The following MUC13 variants were observed in gnomAD, a reference collection of about 807,000 sequenced individuals.
MUC13 encodes the protein mucin-13.
MUC13 carries 32 observed loss-of-function variants against 48.3 expected under a neutral mutation model. The observed-to-expected ratio is 0.66, with a 90% CI of 0.50 to 0.89. The LOEUF is 0.89. MUC13 is among the 40% of genes least tolerant of loss of function. The pLI is 0.00. For synonymous variants in MUC13, 199 were observed against 224.9 expected (o/e 0.88, Z 1.03); for missense variants, 571 against 622.8 (o/e 0.92, Z 0.88).
chr3:124,919,297 A>C (rs1156906571), intron 5 of MUC13, among the ~76,000 whole-genome samples: 2 of 150,164 alleles, frequency 1.3e-5, no homozygotes, highest in African/African-American at 4.9e-5. Context: ...ATATCACACC[A>C]ATGCACTCCA....
chr3:124,908,341 T>C lies in MUC13; in HGVS notation c.1345A>G (p.Asn449Asp). The C allele has an allele frequency of 6.2e-7, 1 of 1,613,994 alleles. No homozygotes were observed. The highest frequency in any genetic ancestry group is 8.5e-7 in the Non-Finnish European group (1 of 1,179,860). The change falls in exon 11 of 12, where the codon AAC (asparagine) becomes GAC (aspartate). Residue 449 changes from asparagine (N) to aspartate (D), a missense_variant. Coordinates refer to ENST00000616727, the MANE Select transcript of MUC13 (RefSeq NM_033049.4). Reference protein sequence around the residue: ...IALIVTARSNNKTKHIEEENL... With the variant: ...IALIVTARSNDKTKHIEEENL... ...TCTTCTTCAATATGCTTCGTTTTGT[T>C]ATTTGATCTGTAATCAGTAAGAGGA...
chr3:124,911,969 C>A, intron 9 of MUC13, 135 bp downstream of exon 9: 1 of 1,238,458 alleles, frequency 8.1e-7, no homozygotes, highest in South Asian at 1.6e-5. Flanking sequence ...AGAAGGCAAA[C>A]TGGAGGCAGA....
At chr3:124,931,377 G>T (rs1935793158) in intron 1 of MUC13, among the ~76,000 whole-genome samples, 1 of 148,520 alleles carries the variant, frequency 6.7e-6, no homozygotes, top group African/African-American at 2.5e-5. Flanking sequence ...GTTGCAGCGA[G>T]CCAAGATCGT....
At chr3:124,907,294 A>G (rs923661900) in intron 11 of MUC13, among the ~76,000 whole-genome samples, 11 of 152,178 alleles carry the variant, frequency 7.2e-5, no homozygotes, top group Non-Finnish European at 1.6e-4. Flanking sequence ...GGATGAGCCA[A>G]CAAGCTAAGT....
At chr3:124,906,931 C>A (rs1178357283) in intron 11 of MUC13, among the ~76,000 whole-genome samples, 189 bp from the exon 12 acceptor site, 2 of 152,276 alleles carry the variant, frequency 1.3e-5, no homozygotes, top group Admixed American at 6.5e-5. Context: ...TTCCCAGCTC[C>A]CTTTCTCCTC....
rs1403753456 is a variant in MUC13, at chr3:124,913,214, A to G, written c.1111T>C (p.Cys371Arg). The G allele has an allele frequency of 3.1e-6, 5 of 1,613,732 alleles. No individual in the cohort carries two copies. The highest frequency in any genetic ancestry group is 4.2e-6 in the Non-Finnish European group (5 of 1,179,694). ...VASSLKCPDA[C>R]NAQHKQCLIK... ...AAGCATTGCTTGTGCTGTGCGTTGCAGGCATCAGGACACTTGAGACTGGAA... is the reference window on the plus strand; with the variant it reads ...AAGCATTGCTTGTGCTGTGCGTTGCGGGCATCAGGACACTTGAGACTGGAA... The change falls in exon 8 of 12, where the codon TGC becomes CGC. Residue 371 changes from cysteine (C) to arginine (R), a missense_variant. By Grantham distance (180) the Cys-to-Arg change is radical. Transcript: ENST00000616727.
intron 3 of MUC13, among the ~76,000 whole-genome samples, chr3:124,922,553 T>G (rs183804783): frequency 2.6e-5 from 4 of 151,798 alleles, no homozygotes; most frequent in East Asian, 3.9e-4. Context: ...TTTTTTCTTC[T>G]TATTATATAA....
chr3:124,932,232 T>A (rs2107674953), intron 1 of MUC13, among the ~76,000 whole-genome samples: 1 of 152,196 alleles, frequency 6.6e-6, no homozygotes, highest in South Asian at 2.1e-4. Flanking sequence ...CTTGTATAAC[T>A]TTTTTAAACA....
intron 9 of MUC13, among the ~76,000 whole-genome samples, 178 bp from the exon 10 acceptor site, chr3:124,910,677 TCC>T (rs2107667486): frequency 6.6e-6 from 1 of 152,210 alleles, no homozygotes; most frequent in Non-Finnish European, 1.5e-5. Context: ...TCCTCACACC[TCC>T]TAAACTGTGT....
intron 8 of MUC13, 150 bp downstream of exon 8, chr3:124,912,961 A>AAAAAT: frequency 9.8e-6 from 6 of 609,680 alleles, no homozygotes; most frequent in Non-Finnish European, 1.5e-5. Context: ...AAAAAAAACT[A>AAAAAT]TTGATGATGA....
chr3:124,922,948 G>T (rs1028885225), intron 3 of MUC13, among the ~76,000 whole-genome samples: 1 of 152,058 alleles, frequency 6.6e-6, no homozygotes, highest in South Asian at 2.1e-4. Context: ...CACTTACTTA[G>T]AGTAAATCCC....
chr3:124,921,583 C>A (rs1033345784), intron 4 of MUC13, among the ~76,000 whole-genome samples: 2 of 152,188 alleles, frequency 1.3e-5, no homozygotes, highest in Non-Finnish European at 2.9e-5. Context: ...TGGAAAGACC[C>A]TTTCCTTTCA....
At chr3:124,912,781 C>T (rs1299760911) in intron 8 of MUC13, among the ~76,000 whole-genome samples, 1 of 151,804 alleles carries the variant, frequency 6.6e-6, no homozygotes, top group East Asian at 1.9e-4. Flanking sequence ...ACTAAAAATA[C>T]AAAAATTAGC....
In MUC13 at chr3:124,934,704, G is replaced by T. The variant is rs1169142504; in HGVS notation, c.9C>A (p.Ala3=). 6.2e-7 allele frequency: 1 copy of T among 1,610,084 alleles called. No individual in the cohort carries two copies. The highest frequency in any genetic ancestry group is 8.5e-7 in the Non-Finnish European group (1 of 1,176,548). The change falls in exon 1 of 12, where the codon GCC becomes GCA. Residue 3 remains alanine, a synonymous_variant. Transcript: ENST00000616727. MK[A]IIHLTLLALL... ...GAGCAAGAAGAGTAAGATGAATGAT[G>T]GCTTTCATTTTAGCTGTTCTTGCTT...
At position 124,923,618 on chromosome 3, in the gene MUC13, A is replaced by G. The variant is rs933778380; in HGVS notation, c.546T>C (p.Cys182=). Residue 182 remains cysteine, a synonymous_variant, in exon 3 of 12, where the codon TGT becomes TGC. Coordinates refer to ENST00000616727, the MANE Select transcript of MUC13 (RefSeq NM_033049.4). The part of the protein sequence containing the change: ...GPSNPCQDDP[C]ADNSLCVKLH... ...GCTTAACACATAACGAATTATCTGC[A>G]CAGGGATCATCTTGGCAAGGATTGC... 1.2e-6 allele frequency: 2 copies of G among 1,614,054 alleles called. No individual in the cohort carries two copies. The highest frequency in any genetic ancestry group is 2.7e-5 in the African/African-American group (2 of 75,048).
chr3:124,925,900 C>T (rs1297504679), intron 2 of MUC13, among the ~76,000 whole-genome samples: 1 of 152,090 alleles, frequency 6.6e-6, no homozygotes, highest in African/African-American at 2.4e-5. Flanking sequence ...CAGGCGTGAG[C>T]CACCATGCTC....
intron 7 of MUC13, 32 bp downstream of exon 7, chr3:124,913,530 G>A: frequency 6.2e-7 from 1 of 1,613,384 alleles, no homozygotes; most frequent in Non-Finnish European, 8.5e-7. Context: ...GTGATGTTAT[G>A]AAGAACATTT....
At chr3:124,914,812 G>A (rs1229797549) in intron 6 of MUC13, among the ~76,000 whole-genome samples, 1 of 152,136 alleles carries the variant, frequency 6.6e-6, no homozygotes, top group Non-Finnish European at 1.5e-5. Flanking sequence ...TATAATCCCA[G>A]CTACTCGAGA....
chr3:124,913,175 C>A lies in MUC13; in HGVS notation c.1150G>T (p.Gly384Cys). The A allele has an allele frequency of 1.2e-6, 2 of 1,614,136 alleles. No homozygotes were observed. Among genetic ancestry groups the A allele is most frequent in the Non-Finnish European group, 1.7e-6 (2 of 1,180,028 alleles). The change falls in exon 8 of 12, where the codon GGT (glycine) becomes TGT (cysteine). Residue 384 changes from glycine (G) to cysteine (C), a missense_variant. By Grantham distance (159) the Gly-to-Cys change is radical (BLOSUM62 -3). Transcript: ENST00000616727. ...QHKQCLIKKS[G>C]GAPECACVPG... ...ACGCACGCACACTCAGGGGCCCCACCACTCTTCTTTATTAAGCATTGCTTG... is the reference window on the plus strand; with the variant it reads ...ACGCACGCACACTCAGGGGCCCCACAACTCTTCTTTATTAAGCATTGCTTG...
Sources: allele counts gnomAD v4.1 joint callset (sites outside exome capture counted in the v4.1 genomes callset), GRCh38; gene constraint gnomAD v4.1.1; transcripts MANE v1.5; gene names NCBI Gene and HGNC (gene_info 2026-07-23, HGNC 2026-07-21).